Variants in NELL2 observed in about 807,000 individuals in gnomAD.
NELL2 encodes protein kinase C-binding protein NELL2.
A neutral mutation model predicts 109.6 loss-of-function variants in NELL2; 41 were observed. That is an observed-to-expected ratio of 0.37 (90% CI 0.29 to 0.49). The LOEUF is 0.49. Ranked by LOEUF, NELL2 falls within the 20% of genes least tolerant of loss-of-function variation. The pLI is 0.98. For missense variants in NELL2, 900 were observed against 1,008.3 expected (o/e 0.89, Z 1.45); for synonymous variants, 355 against 344.7 (o/e 1.03, Z -0.33).
chr12:44,663,195 A>C (rs1259758038), intron 13 of NELL2, among the ~76,000 whole-genome samples: 1 of 152,072 alleles, frequency 6.6e-6, no homozygotes, highest in Non-Finnish European at 1.5e-5. Context: ...TAAAATGAAA[A>C]CATGTATTTT....
At position 44,813,498 on chromosome 12, in the gene NELL2, A is replaced by G. The variant is rs533123721; in HGVS notation, c.335+2488T>C. Among the ~76,000 whole-genome samples, 9 of 152,304 alleles carry G rather than the reference A, an allele frequency of 5.9e-5. No homozygotes were observed. The South Asian group carries it at 1.9e-3, about 32-fold the overall frequency. On this transcript the variant is annotated intron_variant, in intron 3 of 19. Transcript: ENST00000429094. The stretch of plus-strand genomic sequence containing the variant: ...AACAAGAAATTTCAGAAATAATATA[A>G]ATTTTAAAGGTATAACTAGAAAACC...
intron 8 of NELL2, among the ~76,000 whole-genome samples, 182 bp from the exon 9 acceptor site, chr12:44,775,031 C>T (rs1037368163): frequency 3.4e-4 from 52 of 152,136 alleles, no homozygotes; most frequent in Admixed American, 8.5e-4. Flanking sequence ...GGAGACAGGA[C>T]CACCGCAAGG....
chr12:44,617,708 A>T (rs1300942368), intron 13 of NELL2, among the ~76,000 whole-genome samples: 1 of 103,500 alleles, frequency 9.7e-6, no homozygotes. Flanking sequence ...AAAAAAAAAA[A>T]AAAAAGAAAA....
intron 13 of NELL2, among the ~76,000 whole-genome samples, chr12:44,633,744 A>G (rs2136288798): frequency 6.6e-6 from 1 of 152,256 alleles, no homozygotes; most frequent in East Asian, 1.9e-4. Flanking sequence ...ATATGATAAC[A>G]CATTGTTAAG....
At chr12:44,683,271 T>G (rs1276651220) in intron 12 of NELL2, among the ~76,000 whole-genome samples, 2 of 152,046 alleles carry the variant, frequency 1.3e-5, no homozygotes, top group Non-Finnish European at 2.9e-5. Flanking sequence ...ATTGATTTTG[T>G]ATCCTGAGAC....
chr12:44,618,700 A>G (rs1945926837), intron 13 of NELL2, among the ~76,000 whole-genome samples: 1 of 152,164 alleles, frequency 6.6e-6, no homozygotes, highest in African/African-American at 2.4e-5. Flanking sequence ...CTTCTTAATT[A>G]TTCAAGGACT....
At chr12:44,873,446 G>GA (rs1855115737) in intron 2 of NELL2, among the ~76,000 whole-genome samples, 1 of 152,082 alleles carries the variant, frequency 6.6e-6, no homozygotes, top group Non-Finnish European at 1.5e-5. Flanking sequence ...ATCGATTCCT[G>GA]AGACTATTTC....
At chr12:44,836,996 C>G (rs565441540) in intron 2 of NELL2, among the ~76,000 whole-genome samples, 32 of 152,278 alleles carry the variant, frequency 2.1e-4, no homozygotes, top group Admixed American at 1.9e-3. Flanking sequence ...CCGTCATAAA[C>G]AGCAAGATCC....
At chr12:44,515,953 T>C (rs1941239342) in intron 19 of NELL2, among the ~76,000 whole-genome samples, 1 of 151,918 alleles carries the variant, frequency 6.6e-6, no homozygotes, top group South Asian at 2.1e-4. Context: ...AAGATTTTTG[T>C]AGTTAAATAA....
At chr12:44,787,876 A>T (rs1942238542) in intron 3 of NELL2, among the ~76,000 whole-genome samples, 1 of 152,176 alleles carries the variant, frequency 6.6e-6, no homozygotes, top group African/African-American at 2.4e-5. Context: ...AAAGGATAAA[A>T]TGTTAGGGAT....
At chr12:44,528,097 C>CAAAAAAAAAAAAAAAAAAAAAAAAAAA (rs71093812) in intron 16 of NELL2, among the ~76,000 whole-genome samples, 3 of 22,000 alleles carry the variant, frequency 1.4e-4, no homozygotes, top group African/African-American at 3.3e-4. Flanking sequence ...GACTCCGTCT[C>CAAAAAAAAAAAAAAAAAAAAAAAAAAA]AAAAAAAAAA....
At chr12:44,666,401 C>T (rs1282026196) in intron 12 of NELL2, among the ~76,000 whole-genome samples, 1 of 152,138 alleles carries the variant, frequency 6.6e-6, no homozygotes, top group Non-Finnish European at 1.5e-5. Flanking sequence ...ATTTAAGGAC[C>T]TTAATGCATT....
intron 15 of NELL2, among the ~76,000 whole-genome samples, chr12:44,588,111 T>C (rs900048117): frequency 1.5e-4 from 23 of 149,788 alleles, no homozygotes; most frequent in Non-Finnish European, 2.5e-4. Flanking sequence ...GAGGTTGCAG[T>C]GAGCCGAGAT....
intron 13 of NELL2, among the ~76,000 whole-genome samples, chr12:44,632,745 T>C (rs1462097443): frequency 1.3e-5 from 2 of 152,134 alleles, no homozygotes; most frequent in Admixed American, 6.6e-5. Flanking sequence ...AAAACCTTTG[T>C]ACATTCTTCT....
intron 3 of NELL2, among the ~76,000 whole-genome samples, chr12:44,812,660 C>T (rs1038015764): frequency 1.1e-4 from 17 of 152,012 alleles, no homozygotes; most frequent in Admixed American, 4.6e-4. Flanking sequence ...AGAAAGATAG[C>T]TTCAGCAAGA....
At chr12:44,816,738 C>G (rs148803925) in intron 2 of NELL2, among the ~76,000 whole-genome samples, 1 of 152,270 alleles carries the variant, frequency 6.6e-6, no homozygotes, top group African/African-American at 2.4e-5. Flanking sequence ...AAAAAGAATA[C>G]GTAGAACTTA....
At chr12:44,546,775 G>A (rs761344152) in intron 15 of NELL2, among the ~76,000 whole-genome samples, 29 of 152,128 alleles carry the variant, frequency 1.9e-4, no homozygotes, top group Non-Finnish European at 3.7e-4. Context: ...TAGATCAAAG[G>A]AAAAGGTTTT....
chr12:44,554,018 C>T (rs1023852211), intron 15 of NELL2, among the ~76,000 whole-genome samples: 1 of 152,190 alleles, frequency 6.6e-6, no homozygotes, highest in East Asian at 1.9e-4. Flanking sequence ...ACAGGACAGA[C>T]TTCAGATTGC....
At chr12:44,601,025 C>A (rs1212683033) in intron 15 of NELL2, among the ~76,000 whole-genome samples, 1 of 152,034 alleles carries the variant, frequency 6.6e-6, no homozygotes, top group Non-Finnish European at 1.5e-5. Flanking sequence ...AGTTAATATA[C>A]AAAAATGATC....
Sources: allele counts gnomAD v4.1 joint callset (sites outside exome capture counted in the v4.1 genomes callset), GRCh38; gene constraint gnomAD v4.1.1; transcripts MANE v1.5; gene names NCBI Gene and HGNC (gene_info 2026-07-23, HGNC 2026-07-21).